Variants in PCNX2 observed in about 807,000 individuals in gnomAD.
The protein encoded by PCNX2 is pecanex 2.
PCNX2 carries 168 observed loss-of-function variants against 223.8 expected under a neutral mutation model. That is an observed-to-expected ratio of 0.75 (90% CI 0.66 to 0.85). The LOEUF (loss-of-function observed/expected upper bound fraction) is 0.85, where lower values mean the gene tolerates loss of function less well. Among genes scored for constraint, PCNX2 ranks in the 40% least tolerant of loss-of-function variants. PCNX2 has a pLI of 0.00. For missense variants in PCNX2, 2,507 were observed against 2,675.5 expected, an observed-to-expected ratio of 0.94 and a Z score of 1.39; for synonymous variants, 1,006 against 1,052.6, an observed-to-expected ratio of 0.96 and a Z score of 0.86.
rs568947590 is a variant in PCNX2, at chr1:233,194,555, A to C, written c.3066+4384T>G. On this transcript the variant is annotated intron_variant, in intron 15 of 33. Coordinates refer to ENST00000258229, the MANE Select transcript of PCNX2 (RefSeq NM_014801.4). ...AATTGACCACTTAGAGTATAAAAGA[A>C]TACATCTCATCTAAGAGATCAATAA... Among the ~76,000 whole-genome samples, 38 of 152,330 alleles carry C rather than the reference A, an allele frequency of 2.5e-4. 1 individual carries two copies. The highest frequency in any genetic ancestry group is 8.4e-4 in the African/African-American group (35 of 41,594).
At chr1:233,169,787 G>T (rs760649813) in intron 17 of PCNX2, among the ~76,000 whole-genome samples, 68 of 151,488 alleles carry the variant, frequency 4.5e-4, no homozygotes, top group Non-Finnish European at 1.6e-4. Flanking sequence ...GAAGCTTCTT[G>T]TATGTGGCTA....
intron 10 of PCNX2, among the ~76,000 whole-genome samples, chr1:233,220,032 A>ACGGTATGTAGCCTTTGCATATTGGCTC (rs1392143974): frequency 1.3e-5 from 2 of 152,176 alleles, no homozygotes; most frequent in Non-Finnish European, 2.9e-5. Flanking sequence ...TTGGAACCAT[A>ACGGTATGTAGCCTTTGCATATTGGCTC]CGGTATGTAG....
intron 12 of PCNX2, among the ~76,000 whole-genome samples, chr1:233,210,890 T>C (rs1484974138): frequency 6.6e-6 from 1 of 152,164 alleles, no homozygotes; most frequent in Non-Finnish European, 1.5e-5. Context: ...ATTTGCGTTT[T>C]CCATCAGCCC....
chr1:232,997,613 C>T (rs1344136822), intron 32 of PCNX2, among the ~76,000 whole-genome samples: 4 of 152,202 alleles, frequency 2.6e-5, no homozygotes, highest in Non-Finnish European at 4.4e-5. Context: ...AGTCCAACCA[C>T]CTCCTCCCCA....
chr1:233,296,493 G>A (rs748810189), upstream of PCNX2, among the ~76,000 whole-genome samples: 2 of 152,084 alleles, frequency 1.3e-5, no homozygotes, highest in South Asian at 2.1e-4. Flanking sequence ...AGACCCACTG[G>A]ACAAAAAATT....
In PCNX2 at chr1:233,000,590, C is replaced by T. The variant is rs1467749078; in HGVS notation, c.5098-55G>A. 3 of 1,458,018 alleles carry T rather than the reference C, an allele frequency of 2.1e-6. No homozygotes were observed. The highest frequency in any genetic ancestry group is 1.4e-5 in the African/African-American group (1 of 71,246). The allele number at this position is 1,458,018 out of a possible 1,614,324, so 90.3% of individuals were successfully genotyped here. A position where few individuals can be genotyped will look rare whatever the true frequency, so the allele number is the denominator to read the frequency against. The stretch of plus-strand genomic sequence containing the variant: ...GGCAAGGACCAGAGGAACTCACCCC[C>T]AGGAAGCATGCAGATGGCAACTGGC... On this transcript the variant is annotated intron_variant, in intron 29 of 33. Coordinates refer to ENST00000258229, the MANE Select transcript of PCNX2 (RefSeq NM_014801.4). The surrounding 1 kb of genome is among the most constrained non-coding windows in gnomAD (Gnocchi z 4.6).
intron 7 of PCNX2, among the ~76,000 whole-genome samples, chr1:233,251,159 C>A (rs1659429656): frequency 6.6e-6 from 1 of 152,208 alleles, no homozygotes; most frequent in Admixed American, 6.5e-5. Flanking sequence ...CATACGTTCT[C>A]TTCATGTGTC....
intron 26 of PCNX2, among the ~76,000 whole-genome samples, chr1:233,023,273 T>A (rs995103383): frequency 6.6e-6 from 1 of 152,212 alleles, no homozygotes; most frequent in Non-Finnish European, 1.5e-5. Context: ...GTTTTCTCCT[T>A]CTTCTGTGAA....
intron 32 of PCNX2, among the ~76,000 whole-genome samples, chr1:232,995,342 TG>T (rs1009984694): frequency 2.0e-4 from 31 of 152,108 alleles, no homozygotes; most frequent in African/African-American, 7.5e-4. Flanking sequence ...ATGTGGTGTG[TG>T]GGGTATTTAG....
intron 23 of PCNX2, among the ~76,000 whole-genome samples, chr1:233,073,264 G>A (rs989965961): frequency 2.0e-5 from 3 of 152,086 alleles, no homozygotes. Context: ...ATTATAGTAC[G>A]TTGAGTCTTG....
intron 5 of PCNX2, among the ~76,000 whole-genome samples, chr1:233,255,102 A>C (rs1417485718): frequency 2.6e-5 from 4 of 152,190 alleles, no homozygotes; most frequent in African/African-American, 9.7e-5. Context: ...GGAAGCCAAT[A>C]TACTATGCAC....
intron 21 of PCNX2, among the ~76,000 whole-genome samples, chr1:233,102,902 G>A (rs779516665): frequency 6.6e-6 from 1 of 152,064 alleles, no homozygotes; most frequent in Non-Finnish European, 1.5e-5. Flanking sequence ...GGCCTCGGTT[G>A]TCTGTGCTTT....
In PCNX2 at chr1:233,054,376, A is replaced by G; in HGVS notation, c.4243T>C (p.Ser1415Pro). The G allele has an allele frequency of 6.2e-7, 1 of 1,613,924 alleles. No homozygotes were observed. Among genetic ancestry groups the G allele is most frequent in the Admixed American group, 1.7e-5 (1 of 60,008 alleles). The change falls in exon 25 of 34, where the codon TCT (serine) becomes CCT (proline). Residue 1415 changes from serine to proline, a missense_variant. Around this residue, in one of 3 missense-constraint regions of PCNX2, gnomAD observed 1,372 missense variants for 1,509.4 expected, o/e 0.91. Coordinates refer to ENST00000258229, the MANE Select transcript of PCNX2 (RefSeq NM_014801.4). ...LVLGRWGNYS[S>P]GDCFILASDD... ...GAAGCCAAAATAAAGCAATCGCCAG[A>G]GCTGTAGTTGCCCCAACGTCCAAGA...
intron 23 of PCNX2, 33 bp from the exon 24 acceptor site, chr1:233,057,323 G>C: frequency 6.5e-7 from 1 of 1,536,468 alleles, no homozygotes; most frequent in South Asian, 1.2e-5. Flanking sequence ...AAAAGGTCAT[G>C]ATTAGATCCC....
rs1438910389 is a variant in PCNX2, at chr1:233,095,725, G to A, written c.3946+30C>T. 5 of 1,516,594 alleles carry A rather than the reference G, an allele frequency of 3.3e-6. No homozygotes were observed. In the South Asian group the frequency reaches 5.9e-5, roughly 18 times the overall value. 93.9% of individuals were successfully genotyped at this position (1,516,594 alleles called of 1,614,324 possible). A position where few individuals can be genotyped will look rare whatever the true frequency, so the allele number is the denominator to read the frequency against. ...CTTCCGTAAAATGTGAATCTCAGCT[G>A]GAGGGTGAAAATAGAAGCAGAAAGG... On this transcript the variant is annotated intron_variant, in intron 22 of 33. Transcript: ENST00000258229.
chr1:233,050,312 GA>G (rs1558188024), intron 25 of PCNX2, among the ~76,000 whole-genome samples: 1 of 150,868 alleles, frequency 6.6e-6, no homozygotes. Context: ...ATTTTTCACA[GA>G]GCTAGAAAAA....
chr1:233,243,227 T>C lies in PCNX2; in HGVS notation c.2223-6247A>G, dbSNP rs1658883222. Among the ~76,000 whole-genome samples, 4 of 152,312 alleles carry C rather than the reference T, an allele frequency of 2.6e-5. No individual in the cohort carries two copies. In the South Asian group the frequency reaches 8.3e-4, roughly 32 times the overall value. On this transcript the variant is annotated intron_variant, in intron 8 of 33. Coordinates refer to ENST00000258229, the MANE Select transcript of PCNX2 (RefSeq NM_014801.4). ...TACTTGGGAGTCAGGGATATAAAAC[T>C]GTCACACGGTAACAAGGCTCAACAA...
Position 233,252,806 on chromosome 1 carries a change from A to G in PCNX2, c.1835-18T>C, listed in dbSNP as rs529940583. 4 of 1,572,052 alleles carry G rather than the reference A, an allele frequency of 2.5e-6. No homozygotes were observed. The African/African-American group carries it at 4.1e-5, about 16-fold the overall frequency. The stretch of plus-strand genomic sequence containing the variant: ...ACAGTTATCTGAAAAACATTGCTTT[A>G]CTTGTTAATTTAATATAAAATAAAT... On this transcript the variant is annotated intron_variant, in intron 5 of 33. Coordinates refer to ENST00000258229, the MANE Select transcript of PCNX2 (RefSeq NM_014801.4).
intron 25 of PCNX2, among the ~76,000 whole-genome samples, chr1:233,026,044 T>C (rs781130704): frequency 5.3e-5 from 8 of 152,148 alleles, no homozygotes; most frequent in Non-Finnish European, 1.0e-4. Flanking sequence ...AACAAATATA[T>C]AAAATCCCTG....
Sources: allele counts gnomAD v4.1 joint callset (sites outside exome capture counted in the v4.1 genomes callset), GRCh38; gene constraint gnomAD v4.1.1; regional missense constraint gnomAD v4.1.1; non-coding constraint Gnocchi (gnomAD v3.1); transcripts MANE v1.5; gene names NCBI Gene and HGNC (gene_info 2026-07-23, HGNC 2026-07-21).